Variants in RAB5A observed in about 807,000 individuals in gnomAD.
RAB5A encodes RAB5A, member RAS oncogene family.
In RAB5A, 8 loss-of-function variants were observed where a neutral mutation model predicts 25.7. That is an observed-to-expected ratio of 0.31 (90% CI 0.18 to 0.56). The LOEUF (loss-of-function observed/expected upper bound fraction) is 0.56. Ranked by LOEUF, RAB5A falls within the 20% of genes least tolerant of loss-of-function variation. The pLI, the probability that RAB5A is intolerant of heterozygous loss-of-function variation, is 0.91. For missense variants in RAB5A, 192 were observed against 259.7 expected (o/e 0.74, Z 1.79); for synonymous variants, 98 against 89.8 (o/e 1.09, Z -0.52).
At chr3:19,959,147 A>T (rs1317227296) in intron 2 of RAB5A, among the ~76,000 whole-genome samples, 3 of 152,166 alleles carry the variant, frequency 2.0e-5, no homozygotes, top group Admixed American at 2.0e-4. Flanking sequence ...TGTTTGGTAG[A>T]ATGATTTTGC....
chr3:19,966,780 A>G (rs998228656), intron 2 of RAB5A, among the ~76,000 whole-genome samples: 2 of 152,100 alleles, frequency 1.3e-5, no homozygotes, highest in African/African-American at 4.8e-5. Flanking sequence ...ACATCTTTCC[A>G]TGTGCTTATT....
At chr3:19,981,233 C>T (rs1696920720) in intron 5 of RAB5A, among the ~76,000 whole-genome samples, 2 of 152,144 alleles carry the variant, frequency 1.3e-5, no homozygotes, top group South Asian at 4.1e-4. Flanking sequence ...TTTTATAACT[C>T]GATGGGGTGA....
intron 2 of RAB5A, among the ~76,000 whole-genome samples, chr3:19,959,808 TAGAGG>T (rs1248488231): frequency 2.0e-5 from 3 of 151,896 alleles, no homozygotes; most frequent in African/African-American, 7.3e-5. Context: ...GAAATTTTTG[TAGAGG>T]CGACGTCTTG....
At chr3:19,968,841 AG>A (rs1696696129) in intron 2 of RAB5A, among the ~76,000 whole-genome samples, 1 of 152,134 alleles carries the variant, frequency 6.6e-6, no homozygotes, top group Admixed American at 6.5e-5. Flanking sequence ...AAATTCTTTG[AG>A]CATAAAAGTT....
intron 4 of RAB5A, among the ~76,000 whole-genome samples, chr3:19,976,998 G>A (rs1010270738): frequency 2.0e-5 from 3 of 151,786 alleles, no homozygotes; most frequent in Non-Finnish European, 2.9e-5. Context: ...TATTACGATT[G>A]CTAATTCAGA....
chr3:19,954,723 T>G (rs528267822), intron 2 of RAB5A, among the ~76,000 whole-genome samples: 1 of 152,036 alleles, frequency 6.6e-6, no homozygotes, highest in South Asian at 2.1e-4. Context: ...AAGGCTGAAA[T>G]GGGAGAATTG....
At chr3:19,957,206 G>A (rs1228536229) in intron 2 of RAB5A, among the ~76,000 whole-genome samples, 1 of 152,024 alleles carries the variant, frequency 6.6e-6, no homozygotes, top group Admixed American at 6.5e-5. Context: ...TGGGATGAAA[G>A]GTGTAAGCCA....
intron 2 of RAB5A, among the ~76,000 whole-genome samples, chr3:19,969,512 T>C (rs1199482079): frequency 1.3e-5 from 2 of 152,250 alleles, no homozygotes; most frequent in African/African-American, 4.8e-5. Context: ...TTTCTACACA[T>C]TGAAAATACT....
chr3:19,972,809 G>A (rs918750475), intron 2 of RAB5A, among the ~76,000 whole-genome samples: 1 of 152,092 alleles, frequency 6.6e-6, no homozygotes, highest in Non-Finnish European at 1.5e-5. Context: ...GTACATGTAT[G>A]GTGTACATGT....
intron 2 of RAB5A, among the ~76,000 whole-genome samples, chr3:19,956,409 G>A (rs572607450): frequency 4.0e-5 from 6 of 151,654 alleles, no homozygotes; most frequent in Admixed American, 1.3e-4. Flanking sequence ...AGCCGAGATC[G>A]CGCCATTGCA....
At position 19,978,364 on chromosome 3, in the gene RAB5A, A is replaced by G; in HGVS notation, c.493A>G (p.Lys165Glu). 1 of 1,609,612 alleles carries G rather than the reference A, an allele frequency of 6.2e-7. No individual in the cohort carries two copies. The highest frequency in any genetic ancestry group is 1.1e-5 in the South Asian group (1 of 90,946). The change falls in exon 5 of 6, where the codon AAA becomes GAA. Residue 165 changes from lysine to glutamate, a missense_variant. Around this residue, in one of 3 missense-constraint regions of RAB5A, gnomAD observed 121 missense variants for 135.7 expected, o/e 0.89. Transcript: ENST00000273047. ...NSLLFMETSA[K>E]TSMNVNEIFM... ...TTTATTATTCATGGAGACATCCGCT[A>G]AAACATCAATGAATGTAAATGAAAT...
chr3:19,973,206 A>G (rs1696776490), intron 2 of RAB5A, among the ~76,000 whole-genome samples: 2 of 152,164 alleles, frequency 1.3e-5, no homozygotes, highest in African/African-American at 2.4e-5. Flanking sequence ...CCAGTCCTTC[A>G]TGATATATGG....
chr3:19,977,865 T>C (rs1338060931), intron 4 of RAB5A, among the ~76,000 whole-genome samples: 2 of 152,248 alleles, frequency 1.3e-5, no homozygotes, highest in Non-Finnish European at 1.5e-5. Context: ...AATATTGCTG[T>C]AGAAGTCATT....
At position 19,949,676 on chromosome 3, in the gene RAB5A, T is replaced by A. The variant is rs533262842; in HGVS notation, c.-93-1130T>A. Among the ~76,000 whole-genome samples the A allele has an allele frequency of 3.7e-4, 56 of 152,326 alleles. 1 individual carries two copies. The East Asian group carries it at 5.8e-3, about 16-fold the overall frequency. On this transcript the variant is annotated intron_variant, in intron 1 of 5. Coordinates refer to ENST00000273047, the MANE Select transcript of RAB5A (RefSeq NM_004162.5). ...AAAGGTTCTTCAAATATTCACTAAT[T>A]CCTTAGAGATTAAAAATTAGCATAG...
At chr3:19,961,385 C>T (rs144868883) in intron 2 of RAB5A, among the ~76,000 whole-genome samples, 7 of 152,190 alleles carry the variant, frequency 4.6e-5, no homozygotes, top group Admixed American at 4.6e-4. Context: ...TTTCTCCTTG[C>T]AAGAACCTAT....
intron 2 of RAB5A, among the ~76,000 whole-genome samples, chr3:19,968,457 A>G (rs957523436): frequency 4.6e-5 from 7 of 152,080 alleles, no homozygotes; most frequent in Non-Finnish European, 8.8e-5. Flanking sequence ...TTTCCCCACA[A>G]GTTACTTTAC....
chr3:19,966,785 C>T (rs1443818358), intron 2 of RAB5A, among the ~76,000 whole-genome samples: 3 of 152,060 alleles, frequency 2.0e-5, no homozygotes, highest in African/African-American at 7.2e-5. Context: ...TTTCCATGTG[C>T]TTATTGGATT....
chr3:19,970,786 T>G (rs1327584733), intron 2 of RAB5A: 2 of 300,874 alleles, frequency 6.6e-6, no homozygotes, highest in Non-Finnish European at 1.3e-5. Context: ...GTGGCAGAAT[T>G]TGTTTACGTA....
At chr3:19,981,090 A>G (rs1359957798) in intron 5 of RAB5A, among the ~76,000 whole-genome samples, 2 of 152,130 alleles carry the variant, frequency 1.3e-5, no homozygotes, top group African/African-American at 4.8e-5. Flanking sequence ...GTGTGCAGCC[A>G]CTCTTAAAAT....
Sources: gnomAD v4.1 joint callset for allele counts (sites outside exome capture counted in the v4.1 genomes callset) on GRCh38, gnomAD v4.1.1 for gene constraint, gnomAD v4.1.1 regional missense constraint, MANE v1.5 for transcripts, NCBI Gene and HGNC (gene_info 2026-07-23, HGNC 2026-07-21) for gene names.